The following ST3GAL5 variants were observed in gnomAD, a reference collection of about 807,000 sequenced individuals.
The protein encoded by ST3GAL5 is ST3 beta-galactoside alpha-2,3-sialyltransferase 5.
In ST3GAL5, 25 loss-of-function variants were observed where a neutral mutation model predicts 46.1. The observed-to-expected ratio is 0.54, with a 90% CI of 0.40 to 0.76. ST3GAL5 has a LOEUF of 0.76. ST3GAL5 is among the 30% of genes least tolerant of loss of function. ST3GAL5 has a pLI of 0.00. For missense variants in ST3GAL5, 431 were observed against 521.2 expected (o/e 0.83, Z 1.69); for synonymous variants, 182 against 192.7 (o/e 0.94, Z 0.46).
At chr2:85,858,135 G>A (rs1684349781) in intron 3 of ST3GAL5, 1 of 152,162 alleles carries the variant, frequency 6.6e-6, no homozygotes, top group Non-Finnish European at 1.5e-5. Context: ...AGAGCCTACC[G>A]TTTGAGACAA....
chr2:85,885,144 C>T (rs372459661), intron 1 of ST3GAL5, among the ~76,000 whole-genome samples: 10 of 152,248 alleles, frequency 6.6e-5, no homozygotes, highest in East Asian at 5.8e-4. Flanking sequence ...CTCTAGGTCA[C>T]GGATAATTTT....
At position 85,888,923 on chromosome 2, in the gene ST3GAL5, G is replaced by T; in HGVS notation, c.-18C>A. On this transcript the variant is annotated 5_prime_UTR_variant, in exon 1 of 7. Transcript: ENST00000638572. The stretch of plus-strand genomic sequence containing the variant: ...GTCCGCATACTAATGAGGGGGCGCC[G>T]GCCGGCCGCCAGCCCGGTACCCCGC... 1 of 1,342,210 alleles carries T rather than the reference G, an allele frequency of 7.5e-7. No individual in the cohort carries two copies. Among genetic ancestry groups the T allele is most frequent in the South Asian group, 1.7e-5 (1 of 57,332 alleles). The allele number at this position is 1,342,210 out of a possible 1,614,324, so 83.1% of individuals were successfully genotyped here.
intron 6 of ST3GAL5, 45 bp from the exon 7 acceptor site, chr2:85,840,437 C>G (rs768864905): frequency 6.2e-7 from 1 of 1,605,788 alleles, no homozygotes; most frequent in Admixed American, 1.7e-5. Context: ...AAAATTTTGG[C>G]ACAAGTCACC....
At position 85,861,076 on chromosome 2, in the gene ST3GAL5, A is replaced by G. The variant is rs577893977; in HGVS notation, c.318+105T>C. On this transcript the variant is annotated intron_variant, in intron 3 of 6. Transcript: ENST00000638572. ...TTAAGTGCTTTCCCCTCTGAGTTCA[A>G]ACTTTTATTAACATATATTTGTCAC... is the stretch of plus-strand genomic sequence containing the variant. The G allele has an allele frequency of 2.7e-3, 2,397 of 881,870 alleles. 8 individuals are homozygous for G. Among genetic ancestry groups the G allele is most frequent in the Non-Finnish European group, 3.0e-3 (1,618 of 538,178 alleles). 54.6% of individuals were successfully genotyped at this position (881,870 alleles called of 1,614,324 possible).
chr2:85,880,378 T>C (rs1687015504), intron 1 of ST3GAL5, among the ~76,000 whole-genome samples: 1 of 152,242 alleles, frequency 6.6e-6, no homozygotes, highest in South Asian at 2.1e-4. Flanking sequence ...ACATCTCTTT[T>C]ACTGTTGGCT....
chr2:85,883,786 G>T (rs1034403309), intron 1 of ST3GAL5, among the ~76,000 whole-genome samples: 1 of 152,230 alleles, frequency 6.6e-6, no homozygotes, highest in African/African-American at 2.4e-5. Flanking sequence ...TGGTGAGGTG[G>T]TTTAAAGTGG....
chr2:85,849,488 AC>A (rs1683219542), intron 3 of ST3GAL5: 1 of 151,778 alleles, frequency 6.6e-6, no homozygotes, highest in African/African-American at 2.4e-5. Flanking sequence ...GGTGGTGGGC[AC>A]CTGTAGTCCC....
intron 1 of ST3GAL5, among the ~76,000 whole-genome samples, chr2:85,885,145 G>A (rs755716532): frequency 3.9e-5 from 6 of 152,158 alleles, no homozygotes; most frequent in Admixed American, 6.5e-5. Context: ...TCTAGGTCAC[G>A]GATAATTTTT....
intron 1 of ST3GAL5, among the ~76,000 whole-genome samples, chr2:85,885,790 A>C (rs974209666): frequency 6.6e-6 from 1 of 150,524 alleles, no homozygotes; most frequent in African/African-American, 2.5e-5. Flanking sequence ...GTGCCACTGC[A>C]CTCCAGCCTG....
At chr2:85,846,763 T>G (rs941405306) in intron 4 of ST3GAL5, 200 bp from the exon 5 acceptor site, 6 of 580,652 alleles carry the variant, frequency 1.0e-5, no homozygotes, top group Admixed American at 6.1e-5. Context: ...AGCGAACACT[T>G]GTATCTAATC....
At chr2:85,888,730 G>T in intron 1 of ST3GAL5, 94 bp downstream of exon 1, 2 of 1,008,418 alleles carry the variant, frequency 2.0e-6, no homozygotes, top group Non-Finnish European at 2.5e-6. Context: ...AGGCGGAAAC[G>T]CCGCGCCCAG....
intron 1 of ST3GAL5, among the ~76,000 whole-genome samples, chr2:85,876,624 A>G (rs1686612888): frequency 6.6e-6 from 1 of 151,944 alleles, no homozygotes; most frequent in African/African-American, 2.4e-5. Flanking sequence ...CACCGCACCC[A>G]GCTAATTTTT....
intron 1 of ST3GAL5, among the ~76,000 whole-genome samples, chr2:85,879,187 C>T (rs1039057625): frequency 2.0e-5 from 3 of 151,652 alleles, no homozygotes; most frequent in East Asian, 1.9e-4. Flanking sequence ...TGAGGGGTGA[C>T]GGAGGAGCTG....
chr2:85,887,796 G>C (rs973173358), intron 1 of ST3GAL5: 1 of 152,212 alleles, frequency 6.6e-6, no homozygotes, highest in African/African-American at 2.4e-5. Context: ...CCCGGGGGAG[G>C]GCAGCTAAAC....
intron 1 of ST3GAL5, among the ~76,000 whole-genome samples, chr2:85,876,827 C>T (rs1275551602): frequency 6.6e-6 from 1 of 152,026 alleles, no homozygotes; most frequent in Non-Finnish European, 1.5e-5. Flanking sequence ...GTGCTGTGGG[C>T]GTGACTTCTA....
intron 1 of ST3GAL5, among the ~76,000 whole-genome samples, chr2:85,871,733 C>T (rs565367926): frequency 6.6e-6 from 1 of 152,292 alleles, no homozygotes; most frequent in African/African-American, 2.4e-5. Flanking sequence ...CACACCCATA[C>T]TTTTCCAGCA....
intron 1 of ST3GAL5, among the ~76,000 whole-genome samples, chr2:85,879,813 G>C (rs1439258212): frequency 6.6e-6 from 1 of 152,120 alleles, no homozygotes; most frequent in Non-Finnish European, 1.5e-5. Context: ...CCAACATATG[G>C]GCCTTTTACT....
At chr2:85,855,621 T>G (rs1573624835) in intron 3 of ST3GAL5, 1 of 152,292 alleles carries the variant, frequency 6.6e-6, no homozygotes, top group East Asian at 1.9e-4. Flanking sequence ...TTAAAGACTT[T>G]TGTGCTAAAA....
chr2:85,862,192 T>C (rs1040628345), intron 2 of ST3GAL5, among the ~76,000 whole-genome samples: 4 of 152,104 alleles, frequency 2.6e-5, no homozygotes, highest in African/African-American at 4.8e-5. Context: ...CATGACAACT[T>C]GGACAAGTTG....
Sources: allele counts gnomAD v4.1 joint callset (sites outside exome capture counted in the v4.1 genomes callset), GRCh38; gene constraint gnomAD v4.1.1; transcripts MANE v1.5; gene names NCBI Gene and HGNC (gene_info 2026-07-23, HGNC 2026-07-21).